HS3ST3A1: variants seen among roughly 807,000 people sequenced by gnomAD.
HS3ST3A1 encodes heparan sulfate-glucosamine 3-sulfotransferase 3A1, also known as heparan sulfate glucosamine 3-O-sulfotransferase 3A1.
Under a neutral mutation model 25.7 loss-of-function variants are expected in HS3ST3A1, and 19 were observed. The observed-to-expected ratio is 0.74, with a 90% CI of 0.52 to 1.08. The LOEUF (loss-of-function observed/expected upper bound fraction) is 1.08. Ranked by LOEUF, HS3ST3A1 falls within the 50% of genes least tolerant of loss-of-function variation. The probability of loss-of-function intolerance (pLI) is 0.00; values close to 1 mark genes in which losing one functional copy is unlikely to be tolerated. For missense variants in HS3ST3A1, 459 were observed against 594.3 expected (o/e 0.77, Z 2.37); for synonymous variants, 226 against 278.6 (o/e 0.81, Z 1.88).
At chr17:13,556,278 C>A (rs772533754) in intron 1 of HS3ST3A1, among the ~76,000 whole-genome samples, 1 of 151,956 alleles carries the variant, frequency 6.6e-6, no homozygotes, top group African/African-American at 2.4e-5. Context: ...GAGGCCGGGG[C>A]GGGCAGATCA....
intron 1 of HS3ST3A1, among the ~76,000 whole-genome samples, chr17:13,596,638 C>G (rs1238833623): frequency 6.6e-6 from 1 of 152,156 alleles, no homozygotes; most frequent in African/African-American, 2.4e-5. Context: ...ATCTCACTCT[C>G]TTCCTAGCCC....
intron 1 of HS3ST3A1, among the ~76,000 whole-genome samples, chr17:13,565,773 G>C (rs1907661484): frequency 6.6e-6 from 1 of 152,118 alleles, no homozygotes; most frequent in African/African-American, 2.4e-5. Flanking sequence ...TCTTGCTAAA[G>C]CATGTCATTT....
At chr17:13,542,824 G>A (rs1007362559) in intron 1 of HS3ST3A1, among the ~76,000 whole-genome samples, 1 of 152,094 alleles carries the variant, frequency 6.6e-6, no homozygotes, top group Non-Finnish European at 1.5e-5. Flanking sequence ...GAAACTTTCA[G>A]CTCCCCCACT....
intron 1 of HS3ST3A1, among the ~76,000 whole-genome samples, chr17:13,502,958 A>G (rs564931189): frequency 6.6e-6 from 1 of 152,010 alleles, no homozygotes; most frequent in South Asian, 2.1e-4. Flanking sequence ...AGGCAGGCCA[A>G]TCATGAGGTC....
intron 1 of HS3ST3A1, among the ~76,000 whole-genome samples, chr17:13,523,979 C>G (rs1452379226): frequency 1.3e-5 from 2 of 152,122 alleles, no homozygotes; most frequent in Non-Finnish European, 2.9e-5. Context: ...ATTTACATCA[C>G]TGACTGTACA....
chr17:13,590,837 T>C (rs1908403244), intron 1 of HS3ST3A1, among the ~76,000 whole-genome samples: 1 of 151,996 alleles, frequency 6.6e-6, no homozygotes, highest in Admixed American at 6.6e-5. Context: ...AATCCAAAGG[T>C]GAAAATATGG....
chr17:13,534,152 T>C (rs1463289298), intron 1 of HS3ST3A1, among the ~76,000 whole-genome samples: 1 of 152,176 alleles, frequency 6.6e-6, no homozygotes, highest in East Asian at 1.9e-4. Context: ...CTCTACTTAG[T>C]AGTAGCTGAG....
At chr17:13,576,715 T>G (rs1907956614) in intron 1 of HS3ST3A1, among the ~76,000 whole-genome samples, 1 of 152,268 alleles carries the variant, frequency 6.6e-6, no homozygotes, top group East Asian at 1.9e-4. Flanking sequence ...CATCTGATTT[T>G]AATTAATGCC....
intron 1 of HS3ST3A1, among the ~76,000 whole-genome samples, chr17:13,596,935 C>G (rs909751417): frequency 1.3e-5 from 2 of 151,998 alleles, no homozygotes; most frequent in Non-Finnish European, 2.9e-5. Context: ...GGGCCATGAT[C>G]GTTCGAGGCC....
At chr17:13,593,508 C>T (rs62053922) in intron 1 of HS3ST3A1, among the ~76,000 whole-genome samples, 21,682 of 152,090 alleles carry the variant, frequency 0.14, 1,640 homozygotes, top group African/African-American at 0.17. Context: ...ATGAAATCAG[C>T]TGAGGGAAAG....
chr17:13,531,288 C>T (rs576069942), intron 1 of HS3ST3A1, among the ~76,000 whole-genome samples: 2 of 152,234 alleles, frequency 1.3e-5, no homozygotes, highest in South Asian at 4.2e-4. Flanking sequence ...TATTTTCATC[C>T]ATTTTTCTCA....
In HS3ST3A1 at chr17:13,601,085, C is replaced by A; in HGVS notation, c.45G>T (p.Glu15Asp). Reference protein sequence around the residue: ...GPASALSTSAEPLSRSIFRKF... With the variant: ...GPASALSTSADPLSRSIFRKF... ...TCCGGAAGATGCTGCGGGACAGCGG[C>A]TCGGCCGAGGTGGAGAGGGCACTGG... The change falls in exon 1 of 2, where the codon GAG becomes GAT. Residue 15 changes from glutamate (E) to aspartate (D), a missense_variant. Transcript: ENST00000284110. 6.3e-7 allele frequency: 1 copy of A among 1,594,124 alleles called. No homozygotes were observed. The highest frequency in any genetic ancestry group is 8.5e-7 in the Non-Finnish European group (1 of 1,171,646).
At chr17:13,513,763 G>T (rs1320456685) in intron 1 of HS3ST3A1, among the ~76,000 whole-genome samples, 1 of 152,142 alleles carries the variant, frequency 6.6e-6, no homozygotes, top group Non-Finnish European at 1.5e-5. Flanking sequence ...TACGTGGGTT[G>T]TTTCTAAAGT....
chr17:13,558,096 CAT>C (rs1411684600), intron 1 of HS3ST3A1, among the ~76,000 whole-genome samples: 1 of 152,100 alleles, frequency 6.6e-6, no homozygotes, highest in Non-Finnish European at 1.5e-5. Context: ...ACCAAGATTT[CAT>C]TTATAGGACA....
chr17:13,554,548 C>T (rs1408147534), intron 1 of HS3ST3A1, among the ~76,000 whole-genome samples: 3 of 152,190 alleles, frequency 2.0e-5, no homozygotes, highest in East Asian at 3.9e-4. Context: ...GCTATGTGCT[C>T]AAGGCAGCTC....
chr17:13,582,836 G>T (rs1908151997), intron 1 of HS3ST3A1, among the ~76,000 whole-genome samples: 1 of 152,192 alleles, frequency 6.6e-6, no homozygotes, highest in African/African-American at 2.4e-5. Flanking sequence ...GTAATACAGA[G>T]TAACCTCTGG....
intron 1 of HS3ST3A1, among the ~76,000 whole-genome samples, chr17:13,560,905 G>C (rs1443757478): frequency 1.3e-5 from 2 of 152,158 alleles, no homozygotes; most frequent in African/African-American, 4.8e-5. Flanking sequence ...TCAAACTTAA[G>C]TTCCAGCAAT....
intron 1 of HS3ST3A1, among the ~76,000 whole-genome samples, chr17:13,590,188 A>G (rs985719793): frequency 1.3e-5 from 2 of 152,206 alleles, no homozygotes; most frequent in Admixed American, 6.5e-5. Flanking sequence ...CCAAAGACCA[A>G]TCACACTCGA....
At chr17:13,522,009 C>G (rs371860546) in intron 1 of HS3ST3A1, among the ~76,000 whole-genome samples, 1 of 152,152 alleles carries the variant, frequency 6.6e-6, no homozygotes, top group Non-Finnish European at 1.5e-5. Flanking sequence ...TGTCTCCAGA[C>G]GTGGCCAAAT....
Sources: allele counts gnomAD v4.1 joint callset (sites outside exome capture counted in the v4.1 genomes callset), GRCh38; gene constraint gnomAD v4.1.1; transcripts MANE v1.5; gene names NCBI Gene and HGNC (gene_info 2026-07-23, HGNC 2026-07-21).